HEPHL1: variants seen among roughly 807,000 people sequenced by gnomAD.
The protein encoded by HEPHL1 is hephaestin like 1, also known as ferroxidase HEPHL1.
HEPHL1 carries 123 observed loss-of-function variants against 122.0 expected under a neutral mutation model. The observed-to-expected ratio is 1.01, with a 90% CI of 0.87 to 1.17. The LOEUF is 1.17. Among genes scored for constraint, HEPHL1 ranks in the 50% most tolerant of loss-of-function variants. The pLI, the probability that HEPHL1 is intolerant of heterozygous loss-of-function variation, is 0.00. For missense variants in HEPHL1, 1,452 were observed against 1,430.5 expected (o/e 1.01, Z -0.24); for synonymous variants, 527 against 508.9 (o/e 1.04, Z -0.48).
chr11:94,102,115 G>A (rs951407115), intron 14 of HEPHL1, among the ~76,000 whole-genome samples: 24 of 152,262 alleles, frequency 1.6e-4, no homozygotes, highest in Middle Eastern at 3.4e-3. Context: ...CACTGTCTGT[G>A]GTTTCAAGCA....
At chr11:94,086,500 G>A (rs1946219520) in intron 11 of HEPHL1, among the ~76,000 whole-genome samples, 1 of 152,228 alleles carries the variant, frequency 6.6e-6, no homozygotes, top group African/African-American at 2.4e-5. Context: ...AAGTGGATAT[G>A]TTTTGCTCTC....
At chr11:94,063,779 T>G (rs1946009270) in intron 3 of HEPHL1, 59 bp downstream of exon 3, 1 of 1,419,910 alleles carries the variant, frequency 7.0e-7, no homozygotes, top group Admixed American at 1.7e-5. Flanking sequence ...ATTCAGGTCT[T>G]ATTTTGCCTA....
At chr11:94,042,961 G>A (rs1211486602) in intron 1 of HEPHL1, among the ~76,000 whole-genome samples, 2 of 150,602 alleles carry the variant, frequency 1.3e-5, no homozygotes, top group Non-Finnish European at 2.9e-5. Context: ...TAATTCCTTT[G>A]GGAAAGGCTG....
chr11:94,036,532 G>T (rs1945725614), intron 1 of HEPHL1, among the ~76,000 whole-genome samples: 2 of 152,150 alleles, frequency 1.3e-5, no homozygotes, highest in Non-Finnish European at 2.9e-5. Flanking sequence ...AGAGCTTCTA[G>T]AGTCTTCTAG....
chr11:94,094,013 T>TATATATATATAA (rs1485344204), intron 13 of HEPHL1, among the ~76,000 whole-genome samples: 26 of 121,684 alleles, frequency 2.1e-4, no homozygotes, highest in African/African-American at 3.4e-4. Flanking sequence ...TATATATATA[T>TATATATATATAA]AAAACTTTAA....
At chr11:94,110,459 T>C (rs903175101) in intron 17 of HEPHL1, among the ~76,000 whole-genome samples, 5 of 152,186 alleles carry the variant, frequency 3.3e-5, no homozygotes, top group Non-Finnish European at 7.4e-5. Flanking sequence ...CTCCTGATCA[T>C]GTGGATAAGA....
intron 13 of HEPHL1, among the ~76,000 whole-genome samples, chr11:94,095,217 T>C: frequency 6.6e-6 from 1 of 152,244 alleles, no homozygotes; most frequent in East Asian, 1.9e-4. Flanking sequence ...TACATATGGC[T>C]AGCCAGTTTT....
At position 94,098,841 on chromosome 11, in the gene HEPHL1, C is replaced by T. The variant is rs550496998; in HGVS notation, c.2435-2354C>T. Among the ~76,000 whole-genome samples, 81 of 152,312 alleles carry T rather than the reference C, an allele frequency of 5.3e-4. 2 individuals carry two copies. The South Asian group carries it at 0.016, about 29-fold the overall frequency. ...GCTTGTGCATTCATTATGTAGTTCT[C>T]GTGCCATGGTTTTCAGCTCTATCAG... On this transcript the variant is annotated intron_variant, in intron 13 of 19. Coordinates refer to ENST00000315765, the MANE Select transcript of HEPHL1 (RefSeq NM_001098672.2).
At position 94,101,227 on chromosome 11, in the gene HEPHL1, G is replaced by A. The variant is rs142611571; in HGVS notation, c.2467G>A (p.Val823Ile). 2.4e-4 allele frequency: 393 copies of A among 1,613,956 alleles called. 3 individuals carry two copies. In the East Asian group the frequency reaches 3.3e-3, roughly 14 times the overall value. Residue 823 changes from valine (V) to isoleucine (I), a missense_variant, in exon 14 of 20, where the codon GTC becomes ATC. Coordinates refer to ENST00000315765, the MANE Select transcript of HEPHL1 (RefSeq NM_001098672.2). ...PMIHAEVGNT[V>I]LIIFKNKASR... ...GATTCATGCTGAGGTGGGCAACACCGTCCTGATCATATTTAAGAACAAAGC... is the reference window on the plus strand; with the variant it reads ...GATTCATGCTGAGGTGGGCAACACCATCCTGATCATATTTAAGAACAAAGC...
intron 1 of HEPHL1, 46 bp downstream of exon 1, chr11:94,021,584 T>C: frequency 6.8e-7 from 1 of 1,461,142 alleles, no homozygotes; most frequent in Non-Finnish European, 9.4e-7. Flanking sequence ...TTGGCCTCTT[T>C]TTGACTTTGT....
chr11:94,070,784 A>G (rs1456174463), intron 6 of HEPHL1, among the ~76,000 whole-genome samples: 1 of 152,168 alleles, frequency 6.6e-6, no homozygotes. Flanking sequence ...CATTGATCAA[A>G]CATTTCTTGA....
chr11:94,034,997 ATC>A (rs757106334), intron 1 of HEPHL1, among the ~76,000 whole-genome samples: 1 of 152,320 alleles, frequency 6.6e-6, no homozygotes, highest in South Asian at 2.1e-4. Flanking sequence ...GGTCAAATAC[ATC>A]TGTTTAAGAA....
chr11:94,024,399 A>G (rs990229237), intron 1 of HEPHL1, among the ~76,000 whole-genome samples: 4 of 152,160 alleles, frequency 2.6e-5, no homozygotes, highest in African/African-American at 7.2e-5. Context: ...AATAATTTTG[A>G]AACTGAATGA....
intron 1 of HEPHL1, among the ~76,000 whole-genome samples, chr11:94,023,764 T>C (rs2134400236): frequency 6.6e-6 from 1 of 152,332 alleles, no homozygotes; most frequent in Middle Eastern, 3.4e-3. Flanking sequence ...GACAGACTGC[T>C]ACCTCTTGGA....
intron 9 of HEPHL1, among the ~76,000 whole-genome samples, chr11:94,081,979 A>G (rs977604303): frequency 6.6e-6 from 1 of 152,160 alleles, no homozygotes. Context: ...TCCACAACAC[A>G]TGGAAAGACC....
chr11:94,106,477 A>T (rs2134454415), intron 17 of HEPHL1, among the ~76,000 whole-genome samples: 1 of 151,782 alleles, frequency 6.6e-6, no homozygotes, highest in Non-Finnish European at 1.5e-5. Context: ...TGTATTTTTT[A>T]GTAGAGACGG....
At chr11:94,077,862 A>C (rs79777665) in intron 9 of HEPHL1, among the ~76,000 whole-genome samples, 1,755 of 152,302 alleles carry the variant, frequency 0.012, 36 homozygotes, top group African/African-American at 0.039. Context: ...TATGCCTGGA[A>C]TGTCATCCCC....
chr11:94,075,424 A>T lies in HEPHL1; in HGVS notation c.1716+39A>T, dbSNP rs763020657. On this transcript the variant is annotated intron_variant, in intron 9 of 19. Transcript: ENST00000315765. ...TGTCACCAGTTCTTCTCAGGGTTGT[A>T]TGTGGGAGAGATCCGCAAGAGCCAG... The T allele has an allele frequency of 9.7e-6, 14 of 1,450,630 alleles. No individual in the cohort carries two copies. In the Admixed American group the frequency reaches 2.8e-4, roughly 29 times the overall value. The allele number at this position is 1,450,630 out of a possible 1,614,324, so 89.9% of individuals were successfully genotyped here. A position where few individuals can be genotyped will look rare whatever the true frequency, so the allele number is the denominator to read the frequency against.
chr11:94,048,372 T>G (rs928471122), intron 2 of HEPHL1, among the ~76,000 whole-genome samples: 1 of 152,078 alleles, frequency 6.6e-6, no homozygotes, highest in Non-Finnish European at 1.5e-5. Flanking sequence ...TGCATAATTT[T>G]TTTTTGAGAT....
Sources: allele counts gnomAD v4.1 joint callset (sites outside exome capture counted in the v4.1 genomes callset), GRCh38; gene constraint gnomAD v4.1.1; transcripts MANE v1.5; gene names NCBI Gene and HGNC (gene_info 2026-07-23, HGNC 2026-07-21).